FERMT3: variants seen among roughly 807,000 people sequenced by gnomAD.
FERMT3 encodes fermitin family homolog 3.
In FERMT3, 33 loss-of-function variants were observed where a neutral mutation model predicts 80.8. The observed-to-expected ratio is 0.41, with a 90% confidence interval of 0.31 to 0.55. The LOEUF (loss-of-function observed/expected upper bound fraction) is 0.55. FERMT3 is among the 20% of genes least tolerant of loss of function. FERMT3 has a pLI of 0.31. For synonymous variants in FERMT3, 375 were observed against 372.2 expected (o/e 1.01, Z -0.09); for missense variants, 754 against 908.7 (o/e 0.83, Z 2.19).
chr11:64,220,995 G>A (rs190219667), intron 12 of FERMT3, 21 bp from the exon 13 acceptor site: 9 of 1,608,514 alleles, frequency 5.6e-6, no homozygotes, highest in Admixed American at 3.3e-5. Context: ...CTGGCAGCCC[G>A]TCACCAGTAT....
chr11:64,223,756 C>T lies in FERMT3; in HGVS notation c.*264C>T. On this transcript the variant is annotated 3_prime_UTR_variant, in exon 15 of 15. Transcript: ENST00000345728. ...GAGTGGCTGAGGCTGATACCCCTGACCTATCTGCAGTCCCCCAGCACACAA... is the reference window on the plus strand; with the variant it reads ...GAGTGGCTGAGGCTGATACCCCTGATCTATCTGCAGTCCCCCAGCACACAA... 1.2e-6 allele frequency: 1 copy of T among 814,934 alleles called. No individual in the cohort carries two copies. The highest frequency in any genetic ancestry group is 1.9e-6 in the Non-Finnish European group (1 of 518,788). 50.5% of individuals were successfully genotyped at this position (814,934 alleles called of 1,614,324 possible). A position where few individuals can be genotyped will look rare whatever the true frequency, so the allele number is the denominator to read the frequency against.
chr11:64,222,505 C>A (rs1946721863), intron 13 of FERMT3, among the ~76,000 whole-genome samples: 1 of 142,626 alleles, frequency 7.0e-6, no homozygotes, highest in Non-Finnish European at 1.5e-5. Context: ...GCGGAGGTTG[C>A]AGTGAGCCGA....
rs754123786 is a variant in FERMT3, at chr11:64,223,157, C to A, written c.1780C>A (p.Arg594Ser). 1 of 1,613,884 alleles carries A rather than the reference C, an allele frequency of 6.2e-7. No homozygotes were observed. Among genetic ancestry groups the A allele is most frequent in the Non-Finnish European group, 8.5e-7 (1 of 1,180,038 alleles). ...VVKTWRFSNM[R>S]QWNVNWDIRQ... ...CAAGACCTGGCGTTTCAGCAACATG[C>A]GCCAGTGGAATGTCAACTGGGACAT... is the stretch of plus-strand genomic sequence containing the variant. Residue 594 changes from arginine to serine, a missense_variant, in exon 14 of 15, where the codon CGC becomes AGC. Arg to Ser is a moderately radical substitution (Grantham distance 110, BLOSUM62 -1). Coordinates refer to ENST00000345728, the MANE Select transcript of FERMT3 (RefSeq NM_031471.6).
chr11:64,220,264 T>C lies in FERMT3; in HGVS notation c.1249T>C (p.Cys417Arg), dbSNP rs773536009. The change falls in exon 11 of 15, where the codon TGC becomes CGC. Residue 417 changes from cysteine to arginine, a missense_variant. Coordinates refer to ENST00000345728, the MANE Select transcript of FERMT3 (RefSeq NM_031471.6). ...TGTTAACGTCTCCGGCCAGAAGTTC[T>C]GCATTAAACTCCTAGTGCCCTCCCC... ...PDVNVSGQKF[C>R]IKLLVPSPEG... 1 of 1,613,956 alleles carries C rather than the reference T, an allele frequency of 6.2e-7. No individual in the cohort carries two copies. The highest frequency in any genetic ancestry group is 8.5e-7 in the Non-Finnish European group (1 of 1,180,018).
Position 64,219,752 on chromosome 11 carries a change from A to G in FERMT3, c.1042A>G (p.Thr348Ala), listed in dbSNP as rs2134881583. Residue 348 changes from threonine (T) to alanine (A), a missense_variant, in exon 9 of 15, where the codon ACC (threonine) becomes GCC (alanine). Coordinates refer to ENST00000345728, the MANE Select transcript of FERMT3 (RefSeq NM_031471.6). The surrounding 1 kb of genome is among the most constrained non-coding windows in gnomAD (Gnocchi z 4.0). ...GGTCCTCCCATAGGACAGCCTCACC[A>G]CCATCCCAGAGCTCAAGGACCATCT... Reference protein sequence around the residue: ...APTDVLDSLTTIPELKDHLRI... With the variant: ...APTDVLDSLTAIPELKDHLRI... 6.2e-7 allele frequency: 1 copy of G among 1,613,692 alleles called. No homozygotes were observed. The highest frequency in any genetic ancestry group is 8.5e-7 in the Non-Finnish European group (1 of 1,179,932).
At position 64,211,440 on chromosome 11, in the gene FERMT3, G is replaced by A. The variant is rs760227593; in HGVS notation, c.680G>A (p.Ser227Asn). 1 of 1,588,612 alleles carries A rather than the reference G, an allele frequency of 6.3e-7. No homozygotes were observed. The highest frequency in any genetic ancestry group is 8.5e-7 in the Non-Finnish European group (1 of 1,170,738). Residue 227 changes from serine to asparagine, a missense_variant, in exon 5 of 15, where the codon AGC becomes AAC. Physicochemically the swap from Ser to Asn is conservative, Grantham distance 46 (BLOSUM62 1). Coordinates refer to ENST00000345728, the MANE Select transcript of FERMT3 (RefSeq NM_031471.6). The surrounding 1 kb of genome is among the most constrained non-coding windows in gnomAD (Gnocchi z 4.7). The part of the protein sequence containing the change: ...SSLSDKTQLH[S>N]RWLDSSRCLM... Reference sequence around the variant, plus strand: ...CTGTCAGACAAGACCCAGCTCCACAGCAGGTGCACCCAGGAGCCACGCCCC... The same window carrying A: ...CTGTCAGACAAGACCCAGCTCCACAACAGGTGCACCCAGGAGCCACGCCCC...
Position 64,211,665 on chromosome 11 carries a change from G to A in FERMT3, c.704G>A (p.Cys235Tyr). Residue 235 changes from cysteine to tyrosine, a missense_variant, in exon 6 of 15, where the codon TGT becomes TAT. Cys to Tyr is a radical substitution (Grantham distance 194). Coordinates refer to ENST00000345728, the MANE Select transcript of FERMT3 (RefSeq NM_031471.6). This position sits in a 1 kb window ranked among gnomAD's most constrained non-coding sequence, Gnocchi z 4.7. ...LHSRWLDSSR[C>Y]LMQQGIKAGD... is the part of the protein sequence containing the mutation. ...CCCAGGTGGCTGGACTCGTCGCGGT[G>A]TCTCATGCAGCAGGGCATCAAGGCC... 6.2e-7 allele frequency: 1 copy of A among 1,614,146 alleles called. No homozygotes were observed. The highest frequency in any genetic ancestry group is 8.5e-7 in the Non-Finnish European group (1 of 1,180,036).
Position 64,220,677 on chromosome 11 carries a change from A to C in FERMT3, c.1545+8A>C, listed in dbSNP as rs778908376. 1.2e-6 allele frequency: 2 copies of C among 1,606,074 alleles called. No homozygotes were observed. The highest frequency in any genetic ancestry group is 1.7e-5 in the Admixed American group (1 of 59,142). ...AAGTTCAAGGCCAAGCAGGTACCAGAAGGCGTCAGGGTGGGAATGAGCATA... is the reference window on the plus strand; with the variant it reads ...AAGTTCAAGGCCAAGCAGGTACCAGCAGGCGTCAGGGTGGGAATGAGCATA... On this transcript the variant is annotated splice_region_variant and intron_variant, in intron 12 of 14. Transcript: ENST00000345728.
At chr11:64,222,186 C>T (rs2134894754) in intron 13 of FERMT3, among the ~76,000 whole-genome samples, 1 of 151,172 alleles carries the variant, frequency 6.6e-6, no homozygotes, top group Admixed American at 6.6e-5. Flanking sequence ...TTGCAGTGAG[C>T]CGAGATTGTG....
At chr11:64,209,807 C>A (rs1003984240) in intron 2 of FERMT3, among the ~76,000 whole-genome samples, 2 of 152,176 alleles carry the variant, frequency 1.3e-5, no homozygotes, top group African/African-American at 4.8e-5. Context: ...TGCAAACTCT[C>A]AAGGGCTGTG....
chr11:64,207,757 G>A (rs956110398), intron 2 of FERMT3: 4 of 536,696 alleles, frequency 7.5e-6, no homozygotes, highest in Non-Finnish European at 9.8e-6. Flanking sequence ...ATCAGACGCA[G>A]CCACAATCCT....
chr11:64,207,282 A>G, intron 1 of FERMT3, 69 bp from the exon 2 acceptor site: 3 of 1,587,796 alleles, frequency 1.9e-6, no homozygotes, highest in Non-Finnish European at 2.6e-6. Context: ...GGCATCACAG[A>G]GCTCTTCTGC....
Position 64,211,404 on chromosome 11 carries a change from G to T in FERMT3, c.644G>T (p.Arg215Leu), listed in dbSNP as rs542357552. ...CCCCTCCTGCTCCAGCGTCTGCCAC[G>T]GCCCAGCTCCCTGTCAGACAAGACC... is the stretch of plus-strand genomic sequence containing the variant. Reference protein sequence around the residue: ...PDPLLLQRLPRPSSLSDKTQL... With the variant: ...PDPLLLQRLPLPSSLSDKTQL... Residue 215 changes from arginine (R) to leucine (L), a missense_variant, in exon 5 of 15, where the codon CGG (arginine) becomes CTG (leucine). Arg to Leu is a moderately radical substitution (Grantham distance 102, BLOSUM62 -2). Transcript: ENST00000345728. The surrounding 1 kb of genome is among the most constrained non-coding windows in gnomAD (Gnocchi z 4.7). 3.1e-6 allele frequency: 5 copies of T among 1,603,264 alleles called. No homozygotes were observed. In the Admixed American group the frequency reaches 5.1e-5, roughly 16 times the overall value.
rs1436680831 is a variant in FERMT3, at chr11:64,223,551, C to T, written c.*59C>T. 3.9e-6 allele frequency: 6 copies of T among 1,549,818 alleles called. No homozygotes were observed. The highest frequency in any genetic ancestry group is 5.2e-6 in the Non-Finnish European group (6 of 1,149,010). ...CCTGTCACAGCCACTCCCAAGCCCA[C>T]ACCCACAGGGGCTCACTGCCCCACA... On this transcript the variant is annotated 3_prime_UTR_variant, in exon 15 of 15. Transcript: ENST00000345728.
chr11:64,220,701 T>C (rs372298391), intron 12 of FERMT3, 32 bp downstream of exon 12: 133 of 1,574,038 alleles, frequency 8.4e-5, no homozygotes, highest in African/African-American at 2.0e-4. Context: ...GGAATGAGCA[T>C]AGTGTTTACC....
At chr11:64,207,283 G>A (rs1445677996) in intron 1 of FERMT3, 68 bp from the exon 2 acceptor site, 3 of 1,591,358 alleles carry the variant, frequency 1.9e-6, no homozygotes, top group Non-Finnish European at 2.6e-6. Flanking sequence ...GCATCACAGA[G>A]CTCTTCTGCC....
chr11:64,214,043 T>C (rs990696675), intron 6 of FERMT3, among the ~76,000 whole-genome samples: 1 of 152,230 alleles, frequency 6.6e-6, no homozygotes, highest in Admixed American at 6.5e-5. Context: ...CTGTAGTCTT[T>C]GGTTAAAACA....
Position 64,207,462 on chromosome 11 carries a change from C to T in FERMT3, c.98C>T (p.Thr33Ile), listed in dbSNP as rs778995279. 6.2e-7 allele frequency: 1 copy of T among 1,613,936 alleles called. No individual in the cohort carries two copies. The highest frequency in any genetic ancestry group is 1.3e-5 in the African/African-American group (1 of 74,898). ...GAGGACCCAGAGGCCGAGTCGGTCACCCTGCGGGTCACTGGGGAGTCGCAC... is the reference window on the plus strand; with the variant it reads ...GAGGACCCAGAGGCCGAGTCGGTCATCCTGCGGGTCACTGGGGAGTCGCAC... ...GEEDPEAESV[T>I]LRVTGESHIG... Residue 33 changes from threonine to isoleucine, a missense_variant, in exon 2 of 15, where the codon ACC becomes ATC. Transcript: ENST00000345728.
chr11:64,217,562 T>C (rs2134872489), intron 6 of FERMT3, among the ~76,000 whole-genome samples: 2 of 151,722 alleles, frequency 1.3e-5, no homozygotes, highest in South Asian at 4.2e-4. Context: ...AAAAAAAAAA[T>C]TGTCTGTTTT....
Sources: allele counts gnomAD v4.1 joint callset (sites outside exome capture counted in the v4.1 genomes callset), GRCh38; gene constraint gnomAD v4.1.1; non-coding constraint Gnocchi (gnomAD v3.1); transcripts MANE v1.5; gene names NCBI Gene and HGNC (gene_info 2026-07-23, HGNC 2026-07-21).